The following OR6N1 variants were observed in gnomAD, a reference collection of about 807,000 sequenced individuals.
The protein encoded by OR6N1 is olfactory receptor family 6 subfamily N member 1.
For missense variants in OR6N1, 394 were observed against 371.7 expected, an observed-to-expected ratio of 1.06 and a Z score of -0.49; for synonymous variants, 170 against 150.7, an observed-to-expected ratio of 1.13 and a Z score of -0.94.
chr1:158,792,989 G>A, the OR6N1 span, among the ~76,000 whole-genome samples: 2 of 151,760 alleles, frequency 1.3e-5, no homozygotes, highest in African/African-American at 4.8e-5. Flanking sequence ...CTTCCTTTTT[G>A]TCTGATTGGG....
At chr1:158,801,042 C>G in the OR6N1 span, among the ~76,000 whole-genome samples, 1 of 152,186 alleles carries the variant, frequency 6.6e-6, no homozygotes, top group African/African-American at 2.4e-5. Flanking sequence ...TCATTCACTT[C>G]TCACCAATCC....
At chr1:158,832,863 T>G in the OR6N1 span, among the ~76,000 whole-genome samples, 1 of 152,198 alleles carries the variant, frequency 6.6e-6, no homozygotes, top group East Asian at 1.9e-4. Context: ...TTTTTCCTCC[T>G]AGTTGATGAG....
the OR6N1 span, among the ~76,000 whole-genome samples, chr1:158,826,378 AAG>A: frequency 4.6e-5 from 7 of 152,312 alleles, no homozygotes; most frequent in East Asian, 1.9e-4. Context: ...TAATTAAGAA[AAG>A]AGAGAAATAA....
In OR6N1 at chr1:158,765,458, T is replaced by TA. The variant is rs1302000549; in HGVS notation, c.*285dup. 39 of 281,454 alleles carry TA rather than the reference T, an allele frequency of 1.4e-4. No homozygotes were observed. Among genetic ancestry groups the TA allele is most frequent in the Admixed American group, 2.3e-4 (5 of 21,282 alleles). 17.4% of individuals were successfully genotyped at this position (281,454 alleles called of 1,614,324 possible). A position where few individuals can be genotyped will look rare whatever the true frequency, so the allele number is the denominator to read the frequency against. Reference sequence around the variant, plus strand: ...CGTATAATAGGTAAGACACAGATTTTAAAAAAAACCTAAGTGTGATACATA... The same window carrying TA: ...CGTATAATAGGTAAGACACAGATTTTAAAAAAAAACCTAAGTGTGATACATA... On this transcript the variant is annotated 3_prime_UTR_variant, in exon 2 of 2. Transcript: ENST00000641846.
chr1:158,823,444 G>GT, the OR6N1 span, among the ~76,000 whole-genome samples: 2 of 152,078 alleles, frequency 1.3e-5, no homozygotes, highest in Non-Finnish European at 2.9e-5. Flanking sequence ...TTGGGAGGTT[G>GT]TATGTGTCCA....
the OR6N1 span, among the ~76,000 whole-genome samples, chr1:158,786,884 G>T: frequency 6.6e-6 from 1 of 152,172 alleles, no homozygotes; most frequent in East Asian, 1.9e-4. Flanking sequence ...CTACATATTG[G>T]GTATGGTGCA....
At chr1:158,801,164 GGTGT>G in the OR6N1 span, among the ~76,000 whole-genome samples, 35,000 of 148,604 alleles carry the variant, frequency 0.24, 5,191 homozygotes, top group African/African-American at 0.42. Context: ...TGCACATACT[GGTGT>G]GTGTGTGTGT....
the OR6N1 span, among the ~76,000 whole-genome samples, chr1:158,825,813 G>C: frequency 6.6e-6 from 1 of 152,066 alleles, no homozygotes; most frequent in Non-Finnish European, 1.5e-5. Context: ...CTACCATAAA[G>C]GCATGCATTC....
At chr1:158,804,064 C>T in the OR6N1 span, among the ~76,000 whole-genome samples, 56,310 of 151,982 alleles carry the variant, frequency 0.37, 11,597 homozygotes, top group South Asian at 0.56. Flanking sequence ...AATCTGTCTC[C>T]CCTAACTGAG....
At chr1:158,795,312 A>T in the OR6N1 span, among the ~76,000 whole-genome samples, 1 of 152,172 alleles carries the variant, frequency 6.6e-6, no homozygotes. Context: ...GCCCCAAACC[A>T]TAAGCCTTCC....
the OR6N1 span, among the ~76,000 whole-genome samples, chr1:158,815,591 T>C: frequency 3.9e-5 from 6 of 152,166 alleles, no homozygotes; most frequent in South Asian, 1.2e-3. Flanking sequence ...TTTGGAGCAC[T>C]GCCAATTCTA....
chr1:158,776,794 A>C (rs766969516), upstream of OR6N1: 8 of 1,613,852 alleles, frequency 5.0e-6, no homozygotes, highest in Admixed American at 1.7e-5. Context: ...CATTGGTGTT[A>C]GTACGGAGTA....
At chr1:158,807,087 C>T in the OR6N1 span, among the ~76,000 whole-genome samples, 1 of 151,236 alleles carries the variant, frequency 6.6e-6, no homozygotes, top group East Asian at 1.9e-4. Context: ...TCATTCATTG[C>T]CAGCCTTTCA....
chr1:158,798,958 C>A, the OR6N1 span, among the ~76,000 whole-genome samples: 17 of 152,152 alleles, frequency 1.1e-4, no homozygotes, highest in Non-Finnish European at 2.4e-4. Context: ...AAGAACTGTG[C>A]TACATATGCC....
In OR6N1 at chr1:158,766,243, C is replaced by A; in HGVS notation, c.440G>T (p.Gly147Val). 1 of 1,614,050 alleles carries A rather than the reference C, an allele frequency of 6.2e-7. No homozygotes were observed. Among genetic ancestry groups the A allele is most frequent in the South Asian group, 1.1e-5 (1 of 91,074 alleles). Residue 147 changes from glycine (G) to valine (V), a missense_variant, in exon 2 of 2, where the codon GGC (glycine) becomes GTC (valine). Transcript: ENST00000641846. The stretch of plus-strand genomic sequence containing the variant: ...CCCAGCCAAGCCTCCCAACCAACAG[C>A]CAATGGCAATCTCTGCACAAAGTGT... ...TPTLCAEIAI[G>V]CWLGGLAGPV...
the OR6N1 span, among the ~76,000 whole-genome samples, chr1:158,788,103 A>C: frequency 6.6e-6 from 1 of 152,232 alleles, no homozygotes; most frequent in African/African-American, 2.4e-5. Context: ...AAAAATATAA[A>C]GCATATCCTT....
chr1:158,777,219 T>G, the OR6N1 span: 29 of 1,613,314 alleles, frequency 1.8e-5, no homozygotes, highest in East Asian at 5.4e-4. Flanking sequence ...TGGCACAGAG[T>G]GTGGTGGTCA....
At chr1:158,795,541 G>T in the OR6N1 span, among the ~76,000 whole-genome samples, 17 of 152,218 alleles carry the variant, frequency 1.1e-4, no homozygotes, top group Non-Finnish European at 1.2e-4. Context: ...CTTCTGCAAG[G>T]TCCCTTGTGA....
chr1:158,778,393 G>A, the OR6N1 span, among the ~76,000 whole-genome samples: 1 of 152,100 alleles, frequency 6.6e-6, no homozygotes, highest in African/African-American at 2.4e-5. Flanking sequence ...AAGAAGATCT[G>A]GGATCAGCTG....
Sources: allele counts gnomAD v4.1 joint callset (sites outside exome capture counted in the v4.1 genomes callset), GRCh38; gene constraint gnomAD v4.1.1; transcripts MANE v1.5; gene names NCBI Gene and HGNC (gene_info 2026-07-23, HGNC 2026-07-21).